Variants in KCNN2 observed in about 807,000 individuals in gnomAD.
The protein encoded by KCNN2 is potassium calcium-activated channel subfamily N member 2.
A neutral mutation model predicts 55.5 loss-of-function variants in KCNN2; 24 were observed. The observed-to-expected ratio is 0.43, with a 90% CI of 0.31 to 0.61. The LOEUF (loss-of-function observed/expected upper bound fraction) is 0.61. Among genes scored for constraint, KCNN2 ranks in the 20% least tolerant of loss-of-function variants. KCNN2 has a pLI of 0.08. For missense variants in KCNN2, 754 were observed against 853.6 expected (o/e 0.88, Z 1.45); for synonymous variants, 431 against 336.1 (o/e 1.28, Z -3.09).
intron 1 of KCNN2, among the ~76,000 whole-genome samples, chr5:114,075,713 C>CTTGCTT (rs1207312266): frequency 7.7e-6 from 1 of 129,966 alleles, no homozygotes; most frequent in Non-Finnish European, 1.7e-5. Context: ...GACCAGGTGA[C>CTTGCTT]TTGCTTTTTA....
At chr5:114,495,688 A>G (rs940736838) in intron 7 of KCNN2, among the ~76,000 whole-genome samples, 5 of 152,202 alleles carry the variant, frequency 3.3e-5, no homozygotes, top group Admixed American at 6.5e-5. Flanking sequence ...ATTTTCTGCA[A>G]CTGAACCAAA....
chr5:114,227,822 A>G (rs1306117988), intron 2 of KCNN2, among the ~76,000 whole-genome samples: 1 of 152,192 alleles, frequency 6.6e-6, no homozygotes, highest in Non-Finnish European at 1.5e-5. Context: ...AGTGAAGAGT[A>G]AACATTAAAC....
chr5:114,376,565 C>T (rs1757953364), intron 2 of KCNN2, among the ~76,000 whole-genome samples: 1 of 152,212 alleles, frequency 6.6e-6, no homozygotes, highest in Non-Finnish European at 1.5e-5. Flanking sequence ...CTCAGATGCC[C>T]TTGTGACATA....
chr5:114,365,144 A>C (rs1000760565), intron 2 of KCNN2, among the ~76,000 whole-genome samples: 3 of 152,220 alleles, frequency 2.0e-5, no homozygotes, highest in African/African-American at 7.2e-5. Context: ...ATAGTGATGC[A>C]CATTACTCCA....
intron 1 of KCNN2, among the ~76,000 whole-genome samples, chr5:114,181,636 C>T (rs1753242525): frequency 6.6e-6 from 1 of 151,954 alleles, no homozygotes; most frequent in Admixed American, 6.6e-5. Flanking sequence ...TTTTCTGTTT[C>T]CTGTGTTGCA....
chr5:114,270,559 A>G (rs138460047), intron 2 of KCNN2, among the ~76,000 whole-genome samples: 35 of 152,338 alleles, frequency 2.3e-4, no homozygotes, highest in African/African-American at 8.4e-4. Flanking sequence ...AAATGTTGAT[A>G]TATTAACATA....
intron 2 of KCNN2, among the ~76,000 whole-genome samples, chr5:114,321,420 G>A (rs527926510): frequency 6.6e-6 from 1 of 152,242 alleles, no homozygotes; most frequent in East Asian, 1.9e-4. Context: ...TGTGGTGCAG[G>A]TTGGGGGTTG....
intron 1 of KCNN2, among the ~76,000 whole-genome samples, chr5:114,188,542 A>G (rs1489843029): frequency 6.6e-6 from 1 of 152,236 alleles, no homozygotes; most frequent in Non-Finnish European, 1.5e-5. Context: ...TGCTATCATC[A>G]GGAGTCTAAA....
intron 2 of KCNN2, among the ~76,000 whole-genome samples, chr5:114,392,552 C>A (rs1758477169): frequency 6.6e-6 from 1 of 152,174 alleles, no homozygotes; most frequent in Admixed American, 6.5e-5. Context: ...TTGCTCGTTT[C>A]TTCTGAGTTT....
intron 5 of KCNN2, among the ~76,000 whole-genome samples, chr5:114,486,430 G>T (rs1444405228): frequency 6.6e-6 from 1 of 152,178 alleles, no homozygotes; most frequent in Non-Finnish European, 1.5e-5. Context: ...TTACTGCAGT[G>T]CTTTCACCCT....
rs541404292 is a variant in KCNN2 at position 114,435,938 on chromosome 5, T to C, written c.1638-27111T>C. Among the ~76,000 whole-genome samples the C allele has an allele frequency of 3.3e-5, 5 of 152,334 alleles. No individual in the cohort carries two copies. In the East Asian group the frequency reaches 9.6e-4, roughly 29 times the overall value. On this transcript the variant is annotated intron_variant, in intron 3 of 7. Transcript: ENST00000673685. ...TTTACTTTTGGTCATTATGCTTCTT[T>C]GTAAGGGTGCCTTAAATTTGGCTAG...
At chr5:114,151,349 G>T (rs1426512273) in intron 1 of KCNN2, among the ~76,000 whole-genome samples, 1 of 152,042 alleles carries the variant, frequency 6.6e-6, no homozygotes, top group Non-Finnish European at 1.5e-5. Flanking sequence ...GGTACCCCCA[G>T]CCCCTTCTTT....
intron 1 of KCNN2, among the ~76,000 whole-genome samples, chr5:114,218,945 A>T (rs962710847): frequency 6.6e-6 from 1 of 152,184 alleles, no homozygotes; most frequent in Non-Finnish European, 1.5e-5. Context: ...TCCTCATGGG[A>T]AGGAGCATGT....
chr5:114,057,695 C>T (rs776036738), intron 1 of KCNN2, among the ~76,000 whole-genome samples: 1 of 151,848 alleles, frequency 6.6e-6, no homozygotes, highest in Non-Finnish European at 1.5e-5. Flanking sequence ...TGGTTACCTT[C>T]ATATGGTGAG....
intron 2 of KCNN2, among the ~76,000 whole-genome samples, chr5:114,346,826 G>A (rs1757114186): frequency 6.6e-6 from 1 of 151,180 alleles, no homozygotes; most frequent in African/African-American, 2.4e-5. Context: ...TCCAGGGGCT[G>A]GGACAGAAAA....
At chr5:114,289,391 A>G (rs1227503405) in intron 2 of KCNN2, among the ~76,000 whole-genome samples, 1 of 139,922 alleles carries the variant, frequency 7.1e-6, no homozygotes, top group African/African-American at 2.7e-5. Flanking sequence ...TTTTTTTGAG[A>G]CAGAGTCTCA....
chr5:114,204,521 C>G (rs1753732134), intron 1 of KCNN2, among the ~76,000 whole-genome samples: 1 of 152,210 alleles, frequency 6.6e-6, no homozygotes, highest in Admixed American at 6.5e-5. Flanking sequence ...GAAGTAACTT[C>G]TTCTGATGTA....
chr5:114,433,006 G>A (rs866552326), intron 3 of KCNN2, among the ~76,000 whole-genome samples: 2 of 152,094 alleles, frequency 1.3e-5, no homozygotes, highest in African/African-American at 4.8e-5. Flanking sequence ...TCCCTGATGA[G>A]CGCCACCCCC....
chr5:114,133,864 C>T (rs2954369), intron 1 of KCNN2, among the ~76,000 whole-genome samples: 74,430 of 152,050 alleles, frequency 0.49, 18,879 homozygotes, highest in African/African-American at 0.63. Flanking sequence ...TAAAAATGCA[C>T]AGATTCTGAT....
Sources: allele counts gnomAD v4.1 joint callset (sites outside exome capture counted in the v4.1 genomes callset), GRCh38; gene constraint gnomAD v4.1.1; transcripts MANE v1.5; gene names NCBI Gene and HGNC (gene_info 2026-07-23, HGNC 2026-07-21).